Variants in RTF1 observed in about 807,000 individuals in gnomAD.
RTF1 encodes RNA polymerase-associated protein RTF1 homolog.
In RTF1, 10 loss-of-function variants were observed where a neutral mutation model predicts 95.7. The observed-to-expected ratio is 0.10, with a 90% CI of 0.06 to 0.18. RTF1 has a LOEUF of 0.18. RTF1 is among the 10% of genes least tolerant of loss of function. The probability of loss-of-function intolerance (pLI) is 1.00; values close to 1 mark genes in which losing one functional copy is unlikely to be tolerated. For synonymous variants in RTF1, 305 were observed against 311.8 expected (o/e 0.98, Z 0.23); for missense variants, 458 against 875.6 (o/e 0.52, Z 6.02).
Position 41,480,751 on chromosome 15 carries a change from T to C in RTF1, c.*64T>C. On this transcript the variant is annotated 3_prime_UTR_variant, in exon 18 of 18. Coordinates refer to ENST00000389629, the MANE Select transcript of RTF1 (RefSeq NM_015138.5). The stretch of plus-strand genomic sequence containing the variant: ...TCGCAGCGTCCCACCTTTCCTCCTT[T>C]CCTTTGATTTAGCCTCTTTGGGCTG... 2 of 1,199,184 alleles carry C rather than the reference T, an allele frequency of 1.7e-6. No homozygotes were observed. Among genetic ancestry groups the C allele is most frequent in the Non-Finnish European group, 2.5e-6 (2 of 806,588 alleles). The allele number at this position is 1,199,184 out of a possible 1,614,324, so 74.3% of individuals were successfully genotyped here.
intron 8 of RTF1, among the ~76,000 whole-genome samples, chr15:41,471,653 A>T (rs1737008326): frequency 6.6e-6 from 1 of 152,206 alleles, no homozygotes; most frequent in Admixed American, 6.5e-5. Context: ...TACATAATCT[A>T]AAAGATTTGT....
intron 1 of RTF1, among the ~76,000 whole-genome samples, chr15:41,424,338 A>G (rs1211717557): frequency 6.6e-6 from 1 of 152,208 alleles, no homozygotes; most frequent in Admixed American, 6.6e-5. Context: ...AGATTAGAAG[A>G]CTGAAGAGTA....
intron 1 of RTF1, among the ~76,000 whole-genome samples, chr15:41,418,626 C>T (rs1394632294): frequency 6.6e-6 from 1 of 151,994 alleles, no homozygotes; most frequent in Non-Finnish European, 1.5e-5. Context: ...GCCTGACCAA[C>T]ATGGAGAAAC....
rs141618933 is a variant in RTF1 at position 41,461,927 on chromosome 15, T to C, written c.663-2844T>C. ...GCCCTGTAATTTTTTTTTCTTTTTTTTTTTTTTTTAGAGAGGGGGGGTTTG... is the reference window on the plus strand; with the variant it reads ...GCCCTGTAATTTTTTTTTCTTTTTTCTTTTTTTTTAGAGAGGGGGGGTTTG... On this transcript the variant is annotated intron_variant, in intron 4 of 17. Transcript: ENST00000389629. Among the ~76,000 whole-genome samples the C allele has an allele frequency of 6.7e-4, 101 of 151,300 alleles. 1 individual carries two copies. The highest frequency in any genetic ancestry group is 2.3e-3 in the African/African-American group (95 of 41,278).
chr15:41,464,800 C>T lies in RTF1; in HGVS notation c.692C>T (p.Ala231Val). The T allele has an allele frequency of 6.4e-7, 1 of 1,569,590 alleles. No homozygotes were observed. The highest frequency in any genetic ancestry group is 8.6e-7 in the Non-Finnish European group (1 of 1,160,532). The change falls in exon 5 of 18, where the codon GCC becomes GTC. Residue 231 changes from alanine (A) to valine (V), a missense_variant. By Grantham distance (64) the Ala-to-Val change is moderately conservative. This residue lies in a region of RTF1 where 17 missense variants were observed against 69.3 expected (regional missense o/e 0.25). Transcript: ENST00000389629. ...GAAATCAAGAAAAAACTAAAAACAG[C>T]CAAAAAGAAAGAAAAGAAAGAAAAG... Reference protein sequence around the residue: ...RFEIKKKLKTAKKKEKKEKKK... With the variant: ...RFEIKKKLKTVKKKEKKEKKK...
chr15:41,455,055 C>G (rs2050805859), intron 3 of RTF1, among the ~76,000 whole-genome samples: 1 of 152,144 alleles, frequency 6.6e-6, no homozygotes, highest in African/African-American at 2.4e-5. Flanking sequence ...GTGGCTCACA[C>G]CTGTAATCCC....
intron 11 of RTF1, 115 bp from the exon 12 acceptor site, chr15:41,476,331 G>T: frequency 1.3e-6 from 1 of 775,322 alleles, no homozygotes; most frequent in Non-Finnish European, 2.3e-6. Context: ...TGACACTGCT[G>T]TAGGAAGAGC....
At chr15:41,445,631 C>G (rs2050756999) in intron 2 of RTF1, among the ~76,000 whole-genome samples, 1 of 151,944 alleles carries the variant, frequency 6.6e-6, no homozygotes, top group South Asian at 2.1e-4. Context: ...GCTAAGAAAG[C>G]TAAGCTATTC....
intron 3 of RTF1, among the ~76,000 whole-genome samples, chr15:41,454,863 T>C (rs540600500): frequency 1.5e-3 from 225 of 152,352 alleles, no homozygotes; most frequent in African/African-American, 5.2e-3. Context: ...AGTTTTTCAG[T>C]TGCACTAGCC....
intron 1 of RTF1, among the ~76,000 whole-genome samples, chr15:41,438,017 G>A (rs1211956668): frequency 6.6e-6 from 1 of 152,210 alleles, no homozygotes; most frequent in Non-Finnish European, 1.5e-5. Context: ...GAGAATCAGT[G>A]CTTCTGTTGT....
At chr15:41,441,478 A>G (rs2050735779) in intron 2 of RTF1, among the ~76,000 whole-genome samples, 1 of 152,148 alleles carries the variant, frequency 6.6e-6, no homozygotes, top group Non-Finnish European at 1.5e-5. Flanking sequence ...GTCTGTTGTT[A>G]AAAGTTAGGT....
chr15:41,454,949 A>G (rs560815143), intron 3 of RTF1, among the ~76,000 whole-genome samples: 2 of 152,296 alleles, frequency 1.3e-5, no homozygotes, highest in East Asian at 3.9e-4. Context: ...ACCTCACAGA[A>G]TTCTACTAGA....
At chr15:41,417,606 G>C (rs1181778303) in intron 1 of RTF1, among the ~76,000 whole-genome samples, 2 of 152,172 alleles carry the variant, frequency 1.3e-5, no homozygotes, top group African/African-American at 4.8e-5. Context: ...GATCTTCCGG[G>C]GCCAGATCGG....
In RTF1 at chr15:41,438,315, C is replaced by A. The variant is rs1271984047; in HGVS notation, c.199-6C>A. ...AAAACTGATGTGCCTATTTTTGTCC[C>A]ATTAGGAGCTCTTGTCCCTGGCAAA... On this transcript the variant is annotated splice_region_variant and splice_polypyrimidine_tract_variant and intron_variant, in intron 1 of 17. Transcript: ENST00000389629. The A allele has an allele frequency of 1.6e-5, 25 of 1,543,754 alleles. No homozygotes were observed. The highest frequency in any genetic ancestry group is 2.1e-5 in the Non-Finnish European group (24 of 1,141,700).
Position 41,482,604 on chromosome 15 carries a change from G to A in RTF1, c.*1917G>A, listed in dbSNP as rs577012131. The A allele has an allele frequency of 6.6e-6, 1 of 152,520 alleles. No individual in the cohort carries two copies. Among genetic ancestry groups the A allele is most frequent in the South Asian group, 2.1e-4 (1 of 4,796 alleles). The allele number at this position is 152,520 out of a possible 1,614,324, so 9.4% of individuals were successfully genotyped here. ...TTATGATTGTAAAATTGCTAAATATGACTGTAACACAGCTTTGTGGTAGCT... is the reference window on the plus strand; with the variant it reads ...TTATGATTGTAAAATTGCTAAATATAACTGTAACACAGCTTTGTGGTAGCT... On this transcript the variant is annotated 3_prime_UTR_variant, in exon 18 of 18. Transcript: ENST00000389629.
chr15:41,479,422 G>T lies in RTF1; in HGVS notation c.1914+224G>T, dbSNP rs2050958762. Among the ~76,000 whole-genome samples the T allele has an allele frequency of 2.6e-5, 4 of 152,188 alleles. No individual in the cohort carries two copies. The South Asian group carries it at 8.3e-4, about 31-fold the overall frequency. Reference sequence around the variant, plus strand: ...AGGGCCTTGACTATGTCCTTCAGCAGCTGGCTTCCAGCCCTCAGCATCCCC... The same window carrying T: ...AGGGCCTTGACTATGTCCTTCAGCATCTGGCTTCCAGCCCTCAGCATCCCC... On this transcript the variant is annotated intron_variant, in intron 16 of 17. Coordinates refer to ENST00000389629, the MANE Select transcript of RTF1 (RefSeq NM_015138.5).
intron 6 of RTF1, among the ~76,000 whole-genome samples, chr15:41,466,720 C>G (rs556701355): frequency 6.6e-6 from 1 of 152,284 alleles, no homozygotes; most frequent in Admixed American, 6.5e-5. Flanking sequence ...ATCTTAAAGT[C>G]CATACATTGT....
Position 41,425,225 on chromosome 15 carries a change from C to T in RTF1, c.198+7912C>T, listed in dbSNP as rs534667208. ...CATACCATTCTCCTGCCTCAGCCTCCCGAGTAGCTGGGACTATAGGCGCCT... is the reference window on the plus strand; with the variant it reads ...CATACCATTCTCCTGCCTCAGCCTCTCGAGTAGCTGGGACTATAGGCGCCT... On this transcript the variant is annotated intron_variant, in intron 1 of 17. Transcript: ENST00000389629. 5.9e-5 allele frequency among the ~76,000 whole-genome samples: 9 copies of T among 152,172 alleles called. No homozygotes were observed. The East Asian group carries it at 1.5e-3, about 26-fold the overall frequency.
At chr15:41,422,959 A>G (rs753127639) in intron 1 of RTF1, among the ~76,000 whole-genome samples, 37 of 152,178 alleles carry the variant, frequency 2.4e-4, no homozygotes, top group Non-Finnish European at 4.7e-4. Context: ...TTTTTAGTAG[A>G]GACGGGGTTT....
Sources: gnomAD v4.1 joint callset for allele counts (sites outside exome capture counted in the v4.1 genomes callset) on GRCh38, gnomAD v4.1.1 for gene constraint, gnomAD v4.1.1 regional missense constraint, MANE v1.5 for transcripts, NCBI Gene and HGNC (gene_info 2026-07-23, HGNC 2026-07-21) for gene names.